The following SPAG16 variants were observed in gnomAD, a reference collection of about 807,000 sequenced individuals.
SPAG16 encodes sperm associated antigen 16, also known as sperm-associated antigen 16 protein.
A neutral mutation model predicts 80.4 loss-of-function variants in SPAG16; 86 were observed. That is an observed-to-expected ratio of 1.07 (90% confidence interval 0.90 to 1.28). SPAG16 has a LOEUF of 1.28. Among genes scored for constraint, SPAG16 ranks in the 50% most tolerant of loss-of-function variants. SPAG16 has a pLI of 0.00. For synonymous variants in SPAG16, 294 were observed against 265.9 expected (o/e 1.11, Z -1.03); for missense variants, 870 against 765.3 (o/e 1.14, Z -1.61).
chr2:213,635,297 A>G (rs1177416283), intron 10 of SPAG16, among the ~76,000 whole-genome samples: 2 of 152,050 alleles, frequency 1.3e-5, no homozygotes, highest in Admixed American at 6.5e-5. Context: ...AGGCTCCCAA[A>G]GTGCTCGGAT....
intron 10 of SPAG16, among the ~76,000 whole-genome samples, chr2:213,665,229 T>C (rs13001102): frequency 0.34 from 51,046 of 151,828 alleles, 8,783 homozygotes; most frequent in Middle Eastern, 0.45. Flanking sequence ...GTTATGTTTA[T>C]ATTAGCTTTC....
chr2:213,453,170 T>C (rs2071803093), intron 9 of SPAG16, among the ~76,000 whole-genome samples: 2 of 152,360 alleles, frequency 1.3e-5, no homozygotes, highest in East Asian at 1.9e-4. Flanking sequence ...AATACACTTA[T>C]CAATATCATT....
At chr2:213,933,288 T>C (rs1164279004) in intron 12 of SPAG16, among the ~76,000 whole-genome samples, 2 of 152,208 alleles carry the variant, frequency 1.3e-5, no homozygotes, top group African/African-American at 4.8e-5. Context: ...ACAATGTTGG[T>C]CTGTGTTATA....
At chr2:213,594,769 T>C (rs1371940045) in intron 10 of SPAG16, among the ~76,000 whole-genome samples, 2 of 152,224 alleles carry the variant, frequency 1.3e-5, no homozygotes, top group Non-Finnish European at 2.9e-5. Context: ...AATTAACAGA[T>C]GTTTGCGAAC....
chr2:213,978,696 T>C (rs1575709855), intron 12 of SPAG16, among the ~76,000 whole-genome samples: 1 of 152,168 alleles, frequency 6.6e-6, no homozygotes, highest in Non-Finnish European at 1.5e-5. Context: ...TGCTGCTGGC[T>C]CAGAATCTCT....
In SPAG16 at chr2:213,546,701, CCTT is replaced by C. The variant is rs564332416; in HGVS notation, c.1070+56612_1070+56614del. ...AAAGAGTTTGTTAAAGCGGCCTCCTCCTTGTTTCTTGATATTTCTTTTTAAAAT... is the reference window on the plus strand; with the variant it reads ...AAAGAGTTTGTTAAAGCGGCCTCCTCGTTTCTTGATATTTCTTTTTAAAAT... On this transcript the variant is annotated intron_variant, in intron 10 of 15. Coordinates refer to ENST00000331683, the MANE Select transcript of SPAG16 (RefSeq NM_024532.5). Among the ~76,000 whole-genome samples, 329 of 152,134 alleles carry C rather than the reference CCTT, an allele frequency of 2.2e-3. 2 individuals carry two copies. Among genetic ancestry groups the C allele is most frequent in the African/African-American group, 7.5e-3 (312 of 41,530 alleles).
At chr2:214,375,579 G>GA (rs1045178853) in intron 15 of SPAG16, among the ~76,000 whole-genome samples, 1 of 152,040 alleles carries the variant, frequency 6.6e-6, no homozygotes, top group Non-Finnish European at 1.5e-5. Flanking sequence ...CTGCATACAA[G>GA]AAAAAATCGC....
intron 10 of SPAG16, among the ~76,000 whole-genome samples, chr2:213,850,382 A>G (rs1197087509): frequency 6.6e-6 from 1 of 152,238 alleles, no homozygotes; most frequent in African/African-American, 2.4e-5. Flanking sequence ...AGAAAACTTC[A>G]AAAATGAAAA....
At chr2:214,231,543 A>G (rs1427274243) in intron 15 of SPAG16, among the ~76,000 whole-genome samples, 1 of 151,996 alleles carries the variant, frequency 6.6e-6, no homozygotes, top group Non-Finnish European at 1.5e-5. Context: ...CTCCATTTAC[A>G]ATTTTGAAAT....
At chr2:214,210,835 G>A (rs1037240097) in intron 15 of SPAG16, among the ~76,000 whole-genome samples, 8 of 147,710 alleles carry the variant, frequency 5.4e-5, no homozygotes, top group African/African-American at 7.9e-5. Flanking sequence ...ACACATGCGC[G>A]CGCGCACACA....
chr2:214,260,365 T>C lies in SPAG16; in HGVS notation c.1720+111099T>C, dbSNP rs182972354. On this transcript the variant is annotated intron_variant, in intron 15 of 15. Transcript: ENST00000331683. Reference sequence around the variant, plus strand: ...CAGAAAAAGAATATCTAATTTTTTTTTTTTCTTTTCATTGTAAGCCTCTAC... The same window carrying C: ...CAGAAAAAGAATATCTAATTTTTTTCTTTTCTTTTCATTGTAAGCCTCTAC... Among the ~76,000 whole-genome samples, 4 of 152,168 alleles carry C rather than the reference T, an allele frequency of 2.6e-5. No individual in the cohort carries two copies. The East Asian group carries it at 7.7e-4, about 29-fold the overall frequency.
intron 13 of SPAG16, among the ~76,000 whole-genome samples, chr2:214,092,707 A>G (rs2052303568): frequency 6.6e-6 from 1 of 151,916 alleles, no homozygotes; most frequent in Non-Finnish European, 1.5e-5. Flanking sequence ...TTCATACCCA[A>G]CCTTCTAAAC....
chr2:213,450,913 A>G (rs1321255810), intron 9 of SPAG16, among the ~76,000 whole-genome samples: 3 of 152,180 alleles, frequency 2.0e-5, no homozygotes, highest in South Asian at 2.1e-4. Context: ...GAAAGAGTCT[A>G]TTAAAGTTTA....
Position 214,316,722 on chromosome 2 carries a change from A to G in SPAG16, c.1721-93418A>G, listed in dbSNP as rs76947783. Among the ~76,000 whole-genome samples, 601 of 152,282 alleles carry G rather than the reference A, an allele frequency of 3.9e-3. 7 individuals are homozygous for G. The highest frequency in any genetic ancestry group is 0.013 in the African/African-American group (556 of 41,544). ...TAAGCGTAGTTTTCTTCAATTTTTT[A>G]TCTAGGATATTTTGTCTCAAGATCC... On this transcript the variant is annotated intron_variant, in intron 15 of 15. Transcript: ENST00000331683.
At chr2:213,850,629 C>T (rs944886699) in intron 10 of SPAG16, among the ~76,000 whole-genome samples, 1 of 152,004 alleles carries the variant, frequency 6.6e-6, no homozygotes, top group African/African-American at 2.4e-5. Flanking sequence ...GGTTTTATGG[C>T]TTGCTTTGTA....
chr2:214,283,237 C>T (rs111418006), intron 15 of SPAG16, among the ~76,000 whole-genome samples: 3,386 of 152,124 alleles, frequency 0.022, 87 homozygotes, highest in African/African-American at 0.058. Context: ...GTTGAATTAT[C>T]ATCATAATAA....
intron 14 of SPAG16, among the ~76,000 whole-genome samples, chr2:214,117,855 C>A (rs1003804554): frequency 6.6e-6 from 1 of 152,068 alleles, no homozygotes; most frequent in African/African-American, 2.4e-5. Flanking sequence ...CAACATACCA[C>A]AACACAATAA....
At chr2:213,449,397 C>T (rs113581311) in intron 9 of SPAG16, among the ~76,000 whole-genome samples, 2,135 of 152,206 alleles carry the variant, frequency 0.014, 46 homozygotes, top group African/African-American at 0.048. Context: ...CTGCTTTTTG[C>T]TCTTTGAAGC....
At chr2:214,238,308 C>T (rs1021885044) in intron 15 of SPAG16, 5 of 208,906 alleles carry the variant, frequency 2.4e-5, no homozygotes, top group Non-Finnish European at 5.0e-5. Context: ...TCACCATTGG[C>T]CATTTCATAC....
Sources: allele counts gnomAD v4.1 joint callset (sites outside exome capture counted in the v4.1 genomes callset), GRCh38; gene constraint gnomAD v4.1.1; transcripts MANE v1.5; gene names NCBI Gene and HGNC (gene_info 2026-07-23, HGNC 2026-07-21).